Variants in CCDC150 observed in about 807,000 individuals in gnomAD.
CCDC150 encodes coiled-coil domain-containing protein 150.
A neutral mutation model predicts 156.5 loss-of-function variants in CCDC150; 151 were observed. The observed-to-expected ratio is 0.97, with a 90% CI of 0.85 to 1.10. The LOEUF (loss-of-function observed/expected upper bound fraction) is 1.10. CCDC150 is among the 50% of genes least tolerant of loss of function. CCDC150 has a pLI of 0.00. For synonymous variants in CCDC150, 452 were observed against 429.4 expected (o/e 1.05, Z -0.65); for missense variants, 1,312 against 1,268.1 (o/e 1.03, Z -0.53).
intron 13 of CCDC150, among the ~76,000 whole-genome samples, chr2:196,689,860 C>T (rs1294917025): frequency 6.6e-6 from 1 of 152,146 alleles, no homozygotes; most frequent in African/African-American, 2.4e-5. Flanking sequence ...TTTGCCCATT[C>T]AGTATGATAT....
chr2:196,651,969 G>C (rs1019355459), intron 2 of CCDC150, among the ~76,000 whole-genome samples: 4 of 152,058 alleles, frequency 2.6e-5, no homozygotes, highest in African/African-American at 9.7e-5. Context: ...GAGGTACCAG[G>C]CCCCTTTAAA....
At chr2:196,682,084 G>GT (rs1254859378) in intron 13 of CCDC150, among the ~76,000 whole-genome samples, 1 of 151,744 alleles carries the variant, frequency 6.6e-6, no homozygotes, top group African/African-American at 2.4e-5. Context: ...TTTTTTAATA[G>GT]TTTTATGTAT....
chr2:196,682,469 T>TATA (rs1459300209), intron 13 of CCDC150, among the ~76,000 whole-genome samples: 5 of 152,034 alleles, frequency 3.3e-5, no homozygotes, highest in Admixed American at 2.6e-4. Flanking sequence ...TCTATATGAA[T>TATA]TTTAGGACCA....
intron 13 of CCDC150, among the ~76,000 whole-genome samples, chr2:196,689,585 A>C: frequency 6.6e-6 from 1 of 152,072 alleles, no homozygotes; most frequent in Non-Finnish European, 1.5e-5. Flanking sequence ...TGATTTTTGT[A>C]CATTGATTTT....
In CCDC150 at chr2:196,658,877, G is replaced by T. The variant is rs1693387926; in HGVS notation, c.645+17G>T. On this transcript the variant is annotated intron_variant, in intron 5 of 27. Coordinates refer to ENST00000389175, the MANE Select transcript of CCDC150 (RefSeq NM_001080539.2). ...ATTCAAGAGGTAAGACAAAAAGATG[G>T]AGGGTGGAGGAGGTGTTGGAATTGC... The T allele has an allele frequency of 2.6e-6, 4 of 1,549,464 alleles. No homozygotes were observed. The highest frequency in any genetic ancestry group is 3.5e-6 in the Non-Finnish European group (4 of 1,133,268).
At chr2:196,699,397 T>G (rs1212927051) in intron 14 of CCDC150, among the ~76,000 whole-genome samples, 2 of 152,196 alleles carry the variant, frequency 1.3e-5, no homozygotes, top group East Asian at 3.8e-4. Flanking sequence ...TAAAGGTGTA[T>G]GATTTTACGG....
At chr2:196,686,211 T>G (rs2125634595) in intron 13 of CCDC150, 2 of 299,896 alleles carry the variant, frequency 6.7e-6, no homozygotes, top group East Asian at 2.0e-4. Context: ...TACTGCAAAT[T>G]CAAAACCCAG....
At chr2:196,709,951 A>G (rs1025281019) in intron 15 of CCDC150, among the ~76,000 whole-genome samples, 1 of 152,182 alleles carries the variant, frequency 6.6e-6, no homozygotes, top group Non-Finnish European at 1.5e-5. Flanking sequence ...TCTCCCAGTT[A>G]GACTACATGG....
intron 13 of CCDC150, among the ~76,000 whole-genome samples, chr2:196,686,772 C>T (rs1218577784): frequency 2.0e-5 from 3 of 152,150 alleles, no homozygotes; most frequent in Non-Finnish European, 2.9e-5. Context: ...ACCCACCCTC[C>T]ACCCTCTGAC....
chr2:196,645,918 G>A (rs1030591350), intron 1 of CCDC150, among the ~76,000 whole-genome samples: 7 of 152,198 alleles, frequency 4.6e-5, no homozygotes, highest in African/African-American at 1.2e-4. Flanking sequence ...CCCTCAGCAA[G>A]TCATAGGTCC....
intron 2 of CCDC150, among the ~76,000 whole-genome samples, chr2:196,651,054 A>G (rs1692843231): frequency 6.6e-6 from 1 of 152,124 alleles, no homozygotes; most frequent in Non-Finnish European, 1.5e-5. Flanking sequence ...CATTTCTTCT[A>G]GGTTATCCAA....
chr2:196,697,000 A>G (rs769515973), intron 14 of CCDC150, among the ~76,000 whole-genome samples: 2 of 152,210 alleles, frequency 1.3e-5, no homozygotes, highest in Non-Finnish European at 2.9e-5. Flanking sequence ...GATCTCTTCT[A>G]GTGTAGGTAT....
intron 1 of CCDC150, among the ~76,000 whole-genome samples, chr2:196,641,100 C>T (rs1241516722): frequency 6.6e-6 from 1 of 152,148 alleles, no homozygotes; most frequent in Non-Finnish European, 1.5e-5. Context: ...GTAGCTGAAA[C>T]TACAGGAGCA....
In CCDC150 at chr2:196,732,134, A is replaced by G; in HGVS notation, c.3171A>G (p.Glu1057=). ...ACCGGTTGCAGAGGCCTTCTGGGGA[A>G]GACAGGTGGCAGGAAAAGGTAAGAT... ...TKNRLQRPSG[E]DRWQEKDQDV... is the part of the protein sequence containing the mutation. The change falls in exon 27 of 28, where the codon GAA becomes GAG. Residue 1057 remains glutamate (E), a synonymous_variant. Coordinates refer to ENST00000389175, the MANE Select transcript of CCDC150 (RefSeq NM_001080539.2). The G allele has an allele frequency of 1.2e-6, 2 of 1,613,898 alleles. No homozygotes were observed. Among genetic ancestry groups the G allele is most frequent in the African/African-American group, 1.3e-5 (1 of 75,038 alleles).
At chr2:196,719,373 C>A in intron 18 of CCDC150, 124 bp from the exon 19 acceptor site, 2 of 643,722 alleles carry the variant, frequency 3.1e-6, no homozygotes, top group Non-Finnish European at 2.5e-6. Context: ...TAATTATTCC[C>A]ACTAGCATCC....
At chr2:196,674,082 A>G (rs997584350) in intron 9 of CCDC150, among the ~76,000 whole-genome samples, 159 bp from the exon 10 acceptor site, 4 of 152,200 alleles carry the variant, frequency 2.6e-5, no homozygotes, top group Non-Finnish European at 5.9e-5. Context: ...AATATTTGGA[A>G]GTATTTTTTA....
At chr2:196,657,160 T>C (rs780801922) in intron 4 of CCDC150, 24 bp downstream of exon 4, 1 of 1,610,918 alleles carries the variant, frequency 6.2e-7, no homozygotes, top group Non-Finnish European at 8.5e-7. Flanking sequence ...AGTTCTGAAG[T>C]ATAAACACAC....
intron 15 of CCDC150, among the ~76,000 whole-genome samples, 164 bp from the exon 16 acceptor site, chr2:196,711,981 G>T (rs1697149247): frequency 6.7e-6 from 1 of 149,724 alleles, no homozygotes; most frequent in African/African-American, 2.5e-5. Flanking sequence ...TTAAACTTAG[G>T]ATTGCTTTTT....
At chr2:196,675,534 G>C (rs1362249719) in intron 10 of CCDC150, among the ~76,000 whole-genome samples, 3 of 152,148 alleles carry the variant, frequency 2.0e-5, no homozygotes. Context: ...TATGGATTAT[G>C]TGTAGGGGTA....
Sources: allele counts gnomAD v4.1 joint callset (sites outside exome capture counted in the v4.1 genomes callset), GRCh38; gene constraint gnomAD v4.1.1; transcripts MANE v1.5; gene names NCBI Gene and HGNC (gene_info 2026-07-23, HGNC 2026-07-21).